Variants in PCDH15 observed in about 807,000 individuals in gnomAD.
The protein encoded by PCDH15 is protocadherin related 15.
In PCDH15, 129 loss-of-function variants were observed where a neutral mutation model predicts 178.5. The ratio of observed to expected loss-of-function variants is 0.72; its 90% CI spans 0.63 to 0.84. PCDH15 has a LOEUF of 0.84. Ranked by LOEUF, PCDH15 falls within the 40% of genes least tolerant of loss-of-function variation. PCDH15 has a pLI of 0.00. For synonymous variants in PCDH15, 800 were observed against 732.0 expected (o/e 1.09, Z -1.50); for missense variants, 2,230 against 2,099.9 (o/e 1.06, Z -1.21).
intron 8 of PCDH15, among the ~76,000 whole-genome samples, chr10:54,295,886 T>A (rs903847381): frequency 6.6e-6 from 1 of 151,236 alleles, no homozygotes; most frequent in Non-Finnish European, 1.5e-5. Flanking sequence ...GGCTCACGCC[T>A]GTAATCCCAG....
At chr10:54,271,858 G>T (rs2058065955) in intron 8 of PCDH15, among the ~76,000 whole-genome samples, 1 of 151,188 alleles carries the variant, frequency 6.6e-6, no homozygotes, top group African/African-American at 2.4e-5. Context: ...AATATTGTAG[G>T]GGTACAGATC....
At chr10:54,011,169 G>A (rs11598849) in intron 20 of PCDH15, among the ~76,000 whole-genome samples, 27,391 of 152,050 alleles carry the variant, frequency 0.18, 3,028 homozygotes, top group Non-Finnish European at 0.25. Flanking sequence ...CTCAGGTTGA[G>A]CACCCAGGGA....
At chr10:54,664,843 C>CT (rs914533970) in intron 1 of PCDH15, among the ~76,000 whole-genome samples, 7 of 150,316 alleles carry the variant, frequency 4.7e-5, no homozygotes, top group Non-Finnish European at 8.9e-5. Context: ...ACTACATCTG[C>CT]TTTATGAAGC....
intron 2 of PCDH15, among the ~76,000 whole-genome samples, chr10:55,595,641 T>C (rs1842922846): frequency 6.6e-6 from 1 of 152,128 alleles, no homozygotes; most frequent in Admixed American, 6.6e-5. Context: ...ATGGTTGAAT[T>C]GATACTGATC....
intron 2 of PCDH15, among the ~76,000 whole-genome samples, chr10:55,333,423 A>G (rs1217086617): frequency 6.6e-6 from 1 of 152,146 alleles, no homozygotes; most frequent in Admixed American, 6.6e-5. Context: ...TAGAAATAAA[A>G]GAGGATGTAT....
chr10:54,388,821 C>G (rs1329938681), intron 3 of PCDH15, among the ~76,000 whole-genome samples: 1 of 152,138 alleles, frequency 6.6e-6, no homozygotes, highest in Non-Finnish European at 1.5e-5. Context: ...ACAGACAACA[C>G]AAATCCATAC....
At chr10:54,290,813 T>C (rs1262787181) in intron 8 of PCDH15, among the ~76,000 whole-genome samples, 4 of 152,140 alleles carry the variant, frequency 2.6e-5, no homozygotes, top group African/African-American at 9.7e-5. Flanking sequence ...CATTACATAA[T>C]GGTTAAAGGG....
intron 21 of PCDH15, among the ~76,000 whole-genome samples, chr10:53,967,515 T>G (rs1267311580): frequency 6.6e-6 from 1 of 152,178 alleles, no homozygotes. Flanking sequence ...CAAGTGTTCC[T>G]TTCAGTTTGG....
chr10:54,194,610 A>ATGTGTGTG (rs33956261), intron 11 of PCDH15, among the ~76,000 whole-genome samples: 3,627 of 150,800 alleles, frequency 0.024, 59 homozygotes, highest in African/African-American at 0.033. Flanking sequence ...TTTTATATAT[A>ATGTGTGTG]TGTGTGTGTG....
rs895679906 is a variant in PCDH15 at position 54,671,935 on chromosome 10, A to T, written c.-28-7645T>A. 1.1e-4 allele frequency among the ~76,000 whole-genome samples: 16 copies of T among 152,214 alleles called. 1 individual carries two copies. Among genetic ancestry groups the T allele is most frequent in the Admixed American group, 9.2e-4 (14 of 15,276 alleles). ...GTGGTGGGTGAGCAAGCAAAGTTTC[A>T]TCTGTATTTACAGCCCCTCCCCATC... On this transcript the variant is annotated intron_variant, in intron 1 of 37. Coordinates refer to ENST00000644397, the MANE Select transcript of PCDH15 (RefSeq NM_001384140.1).
At chr10:54,037,094 G>A (rs2093433462) in intron 18 of PCDH15, among the ~76,000 whole-genome samples, 1 of 151,924 alleles carries the variant, frequency 6.6e-6, no homozygotes, top group Admixed American at 6.6e-5. Context: ...AACTTGAACA[G>A]TTGAGGAGTT....
At chr10:54,636,069 A>T (rs910010393) in intron 2 of PCDH15, among the ~76,000 whole-genome samples, 5 of 151,968 alleles carry the variant, frequency 3.3e-5, no homozygotes, top group African/African-American at 1.2e-4. Context: ...AATTGACATG[A>T]AGTCATTAAT....
chr10:55,238,371 C>T (rs1227526644), intron 1 of PCDH15, among the ~76,000 whole-genome samples: 1 of 151,786 alleles, frequency 6.6e-6, no homozygotes, highest in Non-Finnish European at 1.5e-5. Flanking sequence ...AGGATGGTCT[C>T]GATCTCCTGA....
At chr10:53,915,398 T>A (rs1441562763) in intron 25 of PCDH15, among the ~76,000 whole-genome samples, 1 of 152,214 alleles carries the variant, frequency 6.6e-6, no homozygotes, top group Non-Finnish European at 1.5e-5. Context: ...TTGTGGTTCA[T>A]TTCAATAGTT....
intron 3 of PCDH15, among the ~76,000 whole-genome samples, chr10:54,828,626 C>A (rs892493208): frequency 2.6e-5 from 4 of 151,878 alleles, no homozygotes; most frequent in African/African-American, 9.7e-5. Flanking sequence ...TTCATACATT[C>A]AATTATTTCA....
At chr10:53,952,080 C>T (rs1262219641) in intron 23 of PCDH15, among the ~76,000 whole-genome samples, 1 of 152,220 alleles carries the variant, frequency 6.6e-6, no homozygotes, top group Non-Finnish European at 1.5e-5. Flanking sequence ...AAGACGGTGT[C>T]ATAGCCCTGG....
At chr10:55,561,352 A>G (rs917770239) in intron 2 of PCDH15, among the ~76,000 whole-genome samples, 4 of 151,886 alleles carry the variant, frequency 2.6e-5, no homozygotes, top group Non-Finnish European at 5.9e-5. Context: ...TTTTTCTACT[A>G]TCACAGCAAA....
chr10:55,540,481 G>A (rs966413433), intron 2 of PCDH15, among the ~76,000 whole-genome samples: 1 of 151,922 alleles, frequency 6.6e-6, no homozygotes, highest in Admixed American at 6.6e-5. Flanking sequence ...TTTTCCTATT[G>A]CATAAAATCT....
At chr10:53,864,458 G>C (rs1264508554) in intron 27 of PCDH15, among the ~76,000 whole-genome samples, 1 of 152,146 alleles carries the variant, frequency 6.6e-6, no homozygotes, top group African/African-American at 2.4e-5. Context: ...AAAGTGCCTT[G>C]GAGTGGCTGT....
Sources: gnomAD v4.1 joint callset for allele counts (sites outside exome capture counted in the v4.1 genomes callset) on GRCh38, gnomAD v4.1.1 for gene constraint, MANE v1.5 for transcripts, NCBI Gene and HGNC (gene_info 2026-07-23, HGNC 2026-07-21) for gene names.